IFFO2: variants seen among roughly 807,000 people sequenced by gnomAD.
IFFO2 encodes the protein intermediate filament family orphan 2.
In IFFO2, 19 loss-of-function variants were observed where a neutral mutation model predicts 53.5. The ratio of observed to expected loss-of-function variants is 0.36; its 90% CI spans 0.25 to 0.52. IFFO2 has a LOEUF of 0.52. IFFO2 is among the 20% of genes least tolerant of loss of function. The pLI is 0.94. For synonymous variants in IFFO2, 303 were observed against 313.6 expected (o/e 0.97, Z 0.36); for missense variants, 570 against 727.4 (o/e 0.78, Z 2.49).
Position 18,920,953 on chromosome 1 carries a change from G to A in IFFO2, c.726+108C>T, listed in dbSNP as rs1569842173. 1.2e-5 allele frequency: 11 copies of A among 896,846 alleles called. No homozygotes were observed. In the East Asian group the frequency reaches 2.9e-4, roughly 24 times the overall value. The allele number at this position is 896,846 out of a possible 1,614,324, so 55.6% of individuals were successfully genotyped here. ...GACTGAGGTGGTAGGAGGTAACAGA[G>A]TAGGGGCTGTGCAAGAATTTCCTGG... is the stretch of plus-strand genomic sequence containing the variant. On this transcript the variant is annotated intron_variant, in intron 2 of 8. Coordinates refer to ENST00000455833, the MANE Select transcript of IFFO2 (RefSeq NM_001136265.2).
chr1:18,918,630 G>T lies in IFFO2; in HGVS notation c.823-128C>A. The T allele has an allele frequency of 3.3e-6, 3 of 922,866 alleles. No homozygotes were observed. Among genetic ancestry groups the T allele is most frequent in the Non-Finnish European group, 4.9e-6 (3 of 616,778 alleles). 57.2% of individuals were successfully genotyped at this position (922,866 alleles called of 1,614,324 possible). Reference sequence around the variant, plus strand: ...GGGGAGGCCTCCAGAGTCCGAGGGTGCCTTGGGCTTTTCCGTGGAGTGGAG... The same window carrying T: ...GGGGAGGCCTCCAGAGTCCGAGGGTTCCTTGGGCTTTTCCGTGGAGTGGAG... On this transcript the variant is annotated intron_variant, in intron 3 of 8. Transcript: ENST00000455833. The surrounding 1 kb of genome is among the most constrained non-coding windows in gnomAD (Gnocchi z 5.2).
chr1:18,936,224 A>G lies in IFFO2; in HGVS notation c.666-15103T>C, dbSNP rs1315743386. On this transcript the variant is annotated intron_variant, in intron 1 of 8. Coordinates refer to ENST00000455833, the MANE Select transcript of IFFO2 (RefSeq NM_001136265.2). This position sits in a 1 kb window ranked among gnomAD's most constrained non-coding sequence, Gnocchi z 4.5. ...CTGCCAGCCCCTCCCTGCCAGCCTC[A>G]GTTTCCCCAAACAACCTCCACAGTC... is the stretch of plus-strand genomic sequence containing the variant. 3.9e-5 allele frequency among the ~76,000 whole-genome samples: 6 copies of G among 152,170 alleles called. No individual in the cohort carries two copies. The highest frequency in any genetic ancestry group is 1.4e-4 in the African/African-American group (6 of 41,442).
At chr1:18,938,423 T>C (rs1936477003) in intron 1 of IFFO2, among the ~76,000 whole-genome samples, 1 of 152,184 alleles carries the variant, frequency 6.6e-6, no homozygotes, top group Non-Finnish European at 1.5e-5. Flanking sequence ...TGCTTCCCCT[T>C]AGAGGCTCTG....
At chr1:18,924,215 G>GGGCC (rs1210971559) in intron 1 of IFFO2, among the ~76,000 whole-genome samples, 1 of 152,226 alleles carries the variant, frequency 6.6e-6, no homozygotes, top group Non-Finnish European at 1.5e-5. Flanking sequence ...CTGGCATGAA[G>GGGCC]GGCCAGGTGG....
chr1:18,919,898 G>C lies in IFFO2; in HGVS notation c.727-125C>G, dbSNP rs1257381551. 1 of 644,222 alleles carries C rather than the reference G, an allele frequency of 1.6e-6. No individual in the cohort carries two copies. The highest frequency in any genetic ancestry group is 2.7e-6 in the Non-Finnish European group (1 of 365,060). The allele number at this position is 644,222 out of a possible 1,614,324, so 39.9% of individuals were successfully genotyped here. On this transcript the variant is annotated intron_variant, in intron 2 of 8. Coordinates refer to ENST00000455833, the MANE Select transcript of IFFO2 (RefSeq NM_001136265.2). This position sits in a 1 kb window ranked among gnomAD's most constrained non-coding sequence, Gnocchi z 4.9. ...CCCCAGCTGGGCACCTGCAGCCAGG[G>C]AAGGGGCACCAAGGACCTCATCCCA...
At position 18,911,948 on chromosome 1, in the gene IFFO2, A is replaced by G. The variant is rs1936046529; in HGVS notation, c.1224+15T>C. 1 of 1,551,450 alleles carries G rather than the reference A, an allele frequency of 6.4e-7. No individual in the cohort carries two copies. The highest frequency in any genetic ancestry group is 2.4e-5 in the East Asian group (1 of 40,912). On this transcript the variant is annotated intron_variant, in intron 6 of 8. Transcript: ENST00000455833. ...CCCTAGTCCTGGCCTTTGGGAAGCC[A>G]GGCGCTGGGCTTACCTCGCCCTGCA...
At position 18,947,858 on chromosome 1, in the gene IFFO2, G is replaced by A. The variant is rs1296837201; in HGVS notation, c.665+7810C>T. ...TTCTGCCACCCGCCATGGCAATATT[G>A]TGACAGGTGCTGGGGAGACCCCGTG... is the stretch of plus-strand genomic sequence containing the variant. On this transcript the variant is annotated intron_variant, in intron 1 of 8. Coordinates refer to ENST00000455833, the MANE Select transcript of IFFO2 (RefSeq NM_001136265.2). The surrounding 1 kb of genome is among the most constrained non-coding windows in gnomAD (Gnocchi z 5.0). Among the ~76,000 whole-genome samples, 4 of 152,224 alleles carry A rather than the reference G, an allele frequency of 2.6e-5. No individual in the cohort carries two copies. The highest frequency in any genetic ancestry group is 4.4e-5 in the Non-Finnish European group (3 of 68,048).
At chr1:18,924,126 C>T (rs1042019574) in intron 1 of IFFO2, among the ~76,000 whole-genome samples, 4 of 152,236 alleles carry the variant, frequency 2.6e-5, no homozygotes, top group African/African-American at 9.6e-5. Context: ...TCCCTCCCGG[C>T]GGTGGTGGAG....
At position 18,919,338 on chromosome 1, in the gene IFFO2, G is replaced by C. The variant is rs994271423; in HGVS notation, c.822+340C>G. ...CCTGGCCCAACCTGCCAGACGCCCT[G>C]CTACGCCCAGACACCGAGGCCTGCC... is the stretch of plus-strand genomic sequence containing the variant. On this transcript the variant is annotated intron_variant, in intron 3 of 8. Transcript: ENST00000455833. This position sits in a 1 kb window ranked among gnomAD's most constrained non-coding sequence, Gnocchi z 4.9. 6.6e-6 allele frequency among the ~76,000 whole-genome samples: 1 copy of C among 152,232 alleles called. No homozygotes were observed. Among genetic ancestry groups the C allele is most frequent in the African/African-American group, 2.4e-5 (1 of 41,456 alleles).
chr1:18,950,068 C>T (rs1241862513), intron 1 of IFFO2, among the ~76,000 whole-genome samples: 9 of 152,268 alleles, frequency 5.9e-5, no homozygotes, highest in Middle Eastern at 3.4e-3. Flanking sequence ...GGACCCGAGG[C>T]GCTAGATGGA....
chr1:18,911,963 C>T lies in IFFO2; in HGVS notation c.1224G>A (p.Glu408=), dbSNP rs1160616480. 5.2e-6 allele frequency: 8 copies of T among 1,551,550 alleles called. No individual in the cohort carries two copies. The East Asian group carries it at 2.0e-4, about 38-fold the overall frequency. Residue 408 remains glutamate (E), a splice_region_variant and synonymous_variant, in exon 6 of 9, where the codon GAG becomes GAA. Coordinates refer to ENST00000455833, the MANE Select transcript of IFFO2 (RefSeq NM_001136265.2). ...NCNPTIDLQG[E]QEENLGNLIH... ...TTGGGAAGCCAGGCGCTGGGCTTAC[C>T]TCGCCCTGCAGGTCGATGGTCGGAT...
At position 18,919,853 on chromosome 1, in the gene IFFO2, C is replaced by A. The variant is rs972150105; in HGVS notation, c.727-80G>T. Reference sequence around the variant, plus strand: ...AGGGTCTGGACACCTGAGTCCAGAGCCCTAGGCACCCGATGTCCACCCCAG... The same window carrying A: ...AGGGTCTGGACACCTGAGTCCAGAGACCTAGGCACCCGATGTCCACCCCAG... On this transcript the variant is annotated intron_variant, in intron 2 of 8. Transcript: ENST00000455833. The surrounding 1 kb of genome is among the most constrained non-coding windows in gnomAD (Gnocchi z 4.9). 3.2e-5 allele frequency: 31 copies of A among 960,822 alleles called. No homozygotes were observed. The highest frequency in any genetic ancestry group is 2.9e-4 in the South Asian group (20 of 68,330). The allele number at this position is 960,822 out of a possible 1,614,324, so 59.5% of individuals were successfully genotyped here. A position where few individuals can be genotyped will look rare whatever the true frequency, so the allele number is the denominator to read the frequency against.
intron 1 of IFFO2, among the ~76,000 whole-genome samples, chr1:18,937,008 G>A (rs1438377049): frequency 1.3e-5 from 2 of 151,352 alleles, no homozygotes; most frequent in African/African-American, 4.9e-5. Context: ...AGACGGGGAA[G>A]TCCAGGTCAT....
intron 1 of IFFO2, among the ~76,000 whole-genome samples, chr1:18,934,582 G>T (rs976352631): frequency 6.6e-6 from 1 of 152,048 alleles, no homozygotes; most frequent in Non-Finnish European, 1.5e-5. Context: ...GATTACACAA[G>T]AAATAGAAAA....
chr1:18,908,571 A>G lies in IFFO2; in HGVS notation c.1544T>C (p.Met515Thr). The G allele has an allele frequency of 6.4e-7, 1 of 1,551,150 alleles. No individual in the cohort carries two copies. ...EFEREADVEP[M>T]VS ...GCAGGGCCTCAGTCATCAGCTGACC[A>G]TGGGCTCCACATCCGCCTCGCGCTC... Residue 515 changes from methionine (M) to threonine (T), a missense_variant, in exon 9 of 9, where the codon ATG becomes ACG. By Grantham distance (81) the Met-to-Thr change is moderately conservative (BLOSUM62 -1). Transcript: ENST00000455833.
At chr1:18,948,873 C>T (rs141864714) in intron 1 of IFFO2, among the ~76,000 whole-genome samples, 148 of 152,354 alleles carry the variant, frequency 9.7e-4, no homozygotes, top group Admixed American at 4.7e-3. Context: ...ACTGTTTACA[C>T]GCCCTGTGCT....
intron 7 of IFFO2, 28 bp from the exon 8 acceptor site, chr1:18,910,500 T>C (rs1293122720): frequency 1.3e-6 from 2 of 1,595,346 alleles, no homozygotes; most frequent in East Asian, 4.6e-5. Flanking sequence ...GGAATAAGGG[T>C]GAGGGCAAGT....
intron 1 of IFFO2, among the ~76,000 whole-genome samples, chr1:18,953,069 C>G (rs1160611311): frequency 6.6e-6 from 1 of 152,196 alleles, no homozygotes; most frequent in African/African-American, 2.4e-5. Flanking sequence ...GGAACCTTTC[C>G]CTTCTGGGTT....
intron 5 of IFFO2, among the ~76,000 whole-genome samples, chr1:18,912,343 G>A (rs758983984): frequency 6.6e-6 from 1 of 151,950 alleles, no homozygotes; most frequent in Non-Finnish European, 1.5e-5. Flanking sequence ...AATTAATTGG[G>A]ACTAAAGATA....
Sources: gnomAD v4.1 joint callset for allele counts (sites outside exome capture counted in the v4.1 genomes callset) on GRCh38, gnomAD v4.1.1 for gene constraint, Gnocchi (gnomAD v3.1) non-coding constraint, MANE v1.5 for transcripts, NCBI Gene and HGNC (gene_info 2026-07-23, HGNC 2026-07-21) for gene names.